The following ELAPOR1 variants were observed in gnomAD, a reference collection of about 807,000 sequenced individuals.
ELAPOR1 encodes the protein endosome/lysosome-associated apoptosis and autophagy regulator 1.
Under a neutral mutation model 119.7 loss-of-function variants are expected in ELAPOR1, and 77 were observed. That is an observed-to-expected ratio of 0.64 (90% CI 0.54 to 0.78). The LOEUF is 0.78. Among genes scored for constraint, ELAPOR1 ranks in the 30% least tolerant of loss-of-function variants. ELAPOR1 has a pLI of 0.00. For missense variants in ELAPOR1, 1,115 were observed against 1,270.4 expected, an observed-to-expected ratio of 0.88 and a Z score of 1.86; for synonymous variants, 481 against 487.2, an observed-to-expected ratio of 0.99 and a Z score of 0.17.
chr1:109,174,388 G>A (rs1652114439), intron 7 of ELAPOR1, among the ~76,000 whole-genome samples: 1 of 107,302 alleles, frequency 9.3e-6, no homozygotes, highest in Non-Finnish European at 1.7e-5. Context: ...ACTACAGCCT[G>A]GGTGACAGAG....
chr1:109,199,757 G>GTA, intron 18 of ELAPOR1, 97 bp from the exon 19 acceptor site: 2 of 1,420,464 alleles, frequency 1.4e-6, no homozygotes, highest in South Asian at 2.5e-5. Context: ...GGCAGGGAGA[G>GTA]GGTAAATCAG....
chr1:109,194,348 A>T (rs938505476), intron 14 of ELAPOR1, 73 bp from the exon 15 acceptor site: 3 of 1,405,478 alleles, frequency 2.1e-6, no homozygotes, highest in Non-Finnish European at 3.0e-6. Context: ...GGGGGAGAAA[A>T]CTGCTACTCT....
chr1:109,166,060 C>T (rs919059744), intron 3 of ELAPOR1, among the ~76,000 whole-genome samples: 1 of 152,074 alleles, frequency 6.6e-6, no homozygotes, highest in African/African-American at 2.4e-5. Flanking sequence ...GGACTGCAGG[C>T]ACCCGCCACC....
intron 1 of ELAPOR1, among the ~76,000 whole-genome samples, chr1:109,118,170 C>G (rs190400224): frequency 1.2e-4 from 18 of 151,718 alleles, no homozygotes; most frequent in Admixed American, 1.2e-3. Flanking sequence ...TTAATTCAAA[C>G]AGTTGGCACT....
chr1:109,190,003 G>A (rs1653330507), intron 11 of ELAPOR1, among the ~76,000 whole-genome samples: 1 of 152,130 alleles, frequency 6.6e-6, no homozygotes, highest in Admixed American at 6.5e-5. Context: ...AATGGGGTCA[G>A]AAATGCCCAT....
intron 7 of ELAPOR1, among the ~76,000 whole-genome samples, chr1:109,183,574 T>TC (rs1652861039): frequency 1.1e-4 from 1 of 8,882 alleles, no homozygotes; most frequent in Non-Finnish European, 6.4e-4. Flanking sequence ...CCTTCCTTCC[T>TC]TCCTTCCTTC....
At chr1:109,177,088 G>A (rs1652344784) in intron 7 of ELAPOR1, among the ~76,000 whole-genome samples, 5 of 146,992 alleles carry the variant, frequency 3.4e-5, no homozygotes, top group Admixed American at 3.4e-4. Flanking sequence ...AACCGCCATT[G>A]TCATCATGGC....
In ELAPOR1 at chr1:109,171,864, A is replaced by T; in HGVS notation, c.468-2A>T. On this transcript the variant is annotated splice_acceptor_variant, in intron 3 of 21. Coordinates refer to ENST00000369939, the MANE Select transcript of ELAPOR1 (RefSeq NM_020775.5). LOFTEE classifies it high-confidence loss of function. ...GTGAACCTGGTTCCTGTTCCTTCAC[A>T]GGTCCAAGTGGGTTCCCCGGGGCGA... The T allele has an allele frequency of 6.2e-7, 1 of 1,614,144 alleles. No individual in the cohort carries two copies. Among genetic ancestry groups the T allele is most frequent in the East Asian group, 2.2e-5 (1 of 44,882 alleles).
rs2101106075 is a variant in ELAPOR1 at position 109,188,983 on chromosome 1, A to G, written c.1220-83A>G. ...CTTCTGGGCTGCCCGCTACTGTTGCAACTTGTCTGTGTGGCAGCAGCTCCA... is the reference window on the plus strand; with the variant it reads ...CTTCTGGGCTGCCCGCTACTGTTGCGACTTGTCTGTGTGGCAGCAGCTCCA... On this transcript the variant is annotated intron_variant, in intron 9 of 21. Coordinates refer to ENST00000369939, the MANE Select transcript of ELAPOR1 (RefSeq NM_020775.5). The G allele has an allele frequency of 1.9e-6, 3 of 1,551,128 alleles. No homozygotes were observed. The South Asian group carries it at 3.6e-5, about 18-fold the overall frequency.
intron 21 of ELAPOR1, among the ~76,000 whole-genome samples, chr1:109,202,226 C>T (rs1228072486): frequency 5.9e-5 from 9 of 151,764 alleles, no homozygotes; most frequent in Non-Finnish European, 1.3e-4. Context: ...GGTTCTCCTG[C>T]CTTAGCCTCC....
chr1:109,189,015 G>A (rs376382792), intron 9 of ELAPOR1, 51 bp from the exon 10 acceptor site: 104 of 1,600,034 alleles, frequency 6.5e-5, no homozygotes, highest in Non-Finnish European at 8.0e-5. Flanking sequence ...TCCAGTCAGA[G>A]TGACTGCAGC....
chr1:109,189,697 G>C lies in ELAPOR1; in HGVS notation c.1439+15G>C, dbSNP rs1273239755. 5 of 1,605,824 alleles carry C rather than the reference G, an allele frequency of 3.1e-6. No homozygotes were observed. The highest frequency in any genetic ancestry group is 4.3e-6 in the Non-Finnish European group (5 of 1,172,670). On this transcript the variant is annotated intron_variant, in intron 11 of 21. Transcript: ENST00000369939. ...CCAGGATTTAGGTGAGGAATCCAAA[G>C]CCCAGGGGAGTCCAGGCCAGCTTGG...
intron 3 of ELAPOR1, among the ~76,000 whole-genome samples, chr1:109,166,373 C>T (rs1462872606): frequency 7.2e-5 from 11 of 152,184 alleles, no homozygotes. Context: ...CTGATTCTGC[C>T]TAGCCTTTGC....
At chr1:109,183,612 C>T (rs1652874732) in intron 7 of ELAPOR1, among the ~76,000 whole-genome samples, 1 of 127,344 alleles carries the variant, frequency 7.9e-6, no homozygotes, top group Non-Finnish European at 1.7e-5. Context: ...TTCCTTCCAT[C>T]CTTCCCTCCT....
rs563760228 is a variant in ELAPOR1 at position 109,186,021 on chromosome 1, T to C, written c.1041+888T>C. On this transcript the variant is annotated intron_variant, in intron 8 of 21. Coordinates refer to ENST00000369939, the MANE Select transcript of ELAPOR1 (RefSeq NM_020775.5). Reference sequence around the variant, plus strand: ...GTTGGGGAGGGAGTGGAGAGAGAGATAATAGACAACAAATGGGTATATAAT... The same window carrying C: ...GTTGGGGAGGGAGTGGAGAGAGAGACAATAGACAACAAATGGGTATATAAT... Among the ~76,000 whole-genome samples, 11 of 149,584 alleles carry C rather than the reference T, an allele frequency of 7.4e-5. No homozygotes were observed. The South Asian group carries it at 2.1e-3, about 29-fold the overall frequency.
At chr1:109,156,976 G>A (rs1650916672) in intron 1 of ELAPOR1, among the ~76,000 whole-genome samples, 1 of 152,152 alleles carries the variant, frequency 6.6e-6, no homozygotes, top group African/African-American at 2.4e-5. Flanking sequence ...GTGGACACTG[G>A]GCAGGCACAA....
chr1:109,114,900 T>A (rs1647887750), intron 1 of ELAPOR1, among the ~76,000 whole-genome samples: 1 of 152,118 alleles, frequency 6.6e-6, no homozygotes, highest in Non-Finnish European at 1.5e-5. Flanking sequence ...GTAAAATGTG[T>A]CTCCTCCTTA....
rs748082142 is a variant in ELAPOR1, at chr1:109,138,274, A to G, written c.154-23620A>G. Among the ~76,000 whole-genome samples, 77 of 152,192 alleles carry G rather than the reference A, an allele frequency of 5.1e-4. 1 individual carries two copies. Among genetic ancestry groups the G allele is most frequent in the Non-Finnish European group, 9.7e-4 (66 of 68,038 alleles). The stretch of plus-strand genomic sequence containing the variant: ...TGGCAGAGGCTGGGTGAGAATCTCA[A>G]TTGGTGACACTTGGTGATGGCTGAG... On this transcript the variant is annotated intron_variant, in intron 1 of 21. Coordinates refer to ENST00000369939, the MANE Select transcript of ELAPOR1 (RefSeq NM_020775.5).
At chr1:109,144,051 A>AT (rs1558029107) in intron 1 of ELAPOR1, among the ~76,000 whole-genome samples, 1 of 42,216 alleles carries the variant, frequency 2.4e-5, no homozygotes, top group African/African-American at 7.2e-5. Context: ...ATATATATAT[A>AT]TATTTATATA....
Sources: gnomAD v4.1 joint callset for allele counts (sites outside exome capture counted in the v4.1 genomes callset) on GRCh38, gnomAD v4.1.1 for gene constraint, MANE v1.5 for transcripts, NCBI Gene and HGNC (gene_info 2026-07-23, HGNC 2026-07-21) for gene names.